Variants in PPP2R2C observed in about 807,000 individuals in gnomAD.
PPP2R2C encodes the protein protein phosphatase 2, regulatory subunit B, gamma.
PPP2R2C carries 10 observed loss-of-function variants against 45.3 expected under a neutral mutation model. That is an observed-to-expected ratio of 0.22 (90% CI 0.14 to 0.37). PPP2R2C has a LOEUF of 0.37. Among genes scored for constraint, PPP2R2C ranks in the 10% least tolerant of loss-of-function variants. PPP2R2C has a pLI of 1.00. For synonymous variants in PPP2R2C, 257 were observed against 245.4 expected, an observed-to-expected ratio of 1.05 and a Z score of -0.44; for missense variants, 308 against 619.7, an observed-to-expected ratio of 0.50 and a Z score of 5.34.
chr4:6,522,282 G>A (rs377141869), intron 2 of PPP2R2C, among the ~76,000 whole-genome samples: 8 of 152,228 alleles, frequency 5.3e-5, no homozygotes, highest in Admixed American at 4.6e-4. Flanking sequence ...TACCCAGGAA[G>A]GCTGATGTCA....
At chr4:6,538,984 G>T (rs954753401) in intron 1 of PPP2R2C, among the ~76,000 whole-genome samples, 1 of 152,188 alleles carries the variant, frequency 6.6e-6, no homozygotes, top group South Asian at 2.1e-4. Context: ...ACCAGGAAGG[G>T]CTAGATTGCT....
intron 1 of PPP2R2C, among the ~76,000 whole-genome samples, chr4:6,404,986 G>A (rs1443908932): frequency 2.0e-5 from 3 of 152,176 alleles, no homozygotes; most frequent in South Asian, 2.1e-4. Flanking sequence ...AACCATGGAC[G>A]TGACCTCCTT....
At chr4:6,502,519 C>A (rs1416292265) in intron 2 of PPP2R2C, among the ~76,000 whole-genome samples, 2 of 151,994 alleles carry the variant, frequency 1.3e-5, no homozygotes, top group Non-Finnish European at 2.9e-5. Context: ...CCCTCTCTCC[C>A]TCCCTCCTTC....
At chr4:6,435,050 T>A (rs1719826871) in intron 1 of PPP2R2C, among the ~76,000 whole-genome samples, 1 of 152,214 alleles carries the variant, frequency 6.6e-6, no homozygotes, top group African/African-American at 2.4e-5. Flanking sequence ...ATTCAAATCT[T>A]ATTTTTAGAA....
chr4:6,387,844 A>G (rs79936790), intron 1 of PPP2R2C, among the ~76,000 whole-genome samples: 2,943 of 152,008 alleles, frequency 0.019, 112 homozygotes, highest in African/African-American at 0.067. Context: ...ATAAAAAGAC[A>G]TTTCAGCTGA....
intron 1 of PPP2R2C, among the ~76,000 whole-genome samples, chr4:6,542,590 A>G (rs1037121249): frequency 3.3e-5 from 5 of 151,628 alleles, no homozygotes; most frequent in Admixed American, 2.0e-4. Context: ...GTAATCCCAG[A>G]TACTAGGGAG....
chr4:6,337,517 C>T (rs1733072738), intron 6 of PPP2R2C, among the ~76,000 whole-genome samples: 1 of 152,100 alleles, frequency 6.6e-6, no homozygotes, highest in Non-Finnish European at 1.5e-5. Flanking sequence ...AGGGCGGCCT[C>T]TCACAGGCTG....
chr4:6,419,023 C>G (rs369559159), intron 1 of PPP2R2C, among the ~76,000 whole-genome samples: 2 of 152,208 alleles, frequency 1.3e-5, no homozygotes, highest in Non-Finnish European at 2.9e-5. Flanking sequence ...CACTCAGCTT[C>G]GCATGCGGTG....
chr4:6,472,354 C>T lies in PPP2R2C; in HGVS notation c.-125G>A. ...GCAGGGGCGCGGGCCGCCGGGGCCC[C>T]GAAGGGAGGGCATCGCGGCAGGGGG... is the stretch of plus-strand genomic sequence containing the variant. On this transcript the variant is annotated 5_prime_UTR_variant, in exon 1 of 9. Transcript: ENST00000382599. 5 of 1,218,678 alleles carry T rather than the reference C, an allele frequency of 4.1e-6. No homozygotes were observed. The highest frequency in any genetic ancestry group is 5.1e-6 in the Non-Finnish European group (5 of 976,708). The allele number at this position is 1,218,678 out of a possible 1,614,324, so 75.5% of individuals were successfully genotyped here.
chr4:6,425,739 G>T (rs568178636), intron 1 of PPP2R2C, among the ~76,000 whole-genome samples: 6 of 152,178 alleles, frequency 3.9e-5, no homozygotes, highest in Non-Finnish European at 8.8e-5. Flanking sequence ...ATCCTCCCGG[G>T]TGCTAGAAGA....
At chr4:6,508,984 C>T (rs1008157406) in intron 2 of PPP2R2C, among the ~76,000 whole-genome samples, 6 of 152,226 alleles carry the variant, frequency 3.9e-5, no homozygotes, top group Admixed American at 3.3e-4. Flanking sequence ...ACTTTCACTC[C>T]AGCTCTAAAA....
At chr4:6,459,343 C>T (rs1363528277) in intron 1 of PPP2R2C, among the ~76,000 whole-genome samples, 1 of 152,152 alleles carries the variant, frequency 6.6e-6, no homozygotes, top group Non-Finnish European at 1.5e-5. Flanking sequence ...GGCTCCAAGG[C>T]AGAAGCACAT....
chr4:6,511,847 T>C (rs1577230209), intron 2 of PPP2R2C, among the ~76,000 whole-genome samples: 1 of 105,754 alleles, frequency 9.5e-6, no homozygotes, highest in Non-Finnish European at 2.1e-5. Flanking sequence ...ATGGTGGTGG[T>C]GGTGGTGGTG....
rs949990055 is a variant in PPP2R2C at position 6,364,386 on chromosome 4, C to A, written c.625+8137G>T. Reference sequence around the variant, plus strand: ...GGCCAGGGAGGGGCCAGGGCCAGCTCCTGCAGGGCCTTGGAGGCCAGAGAA... The same window carrying A: ...GGCCAGGGAGGGGCCAGGGCCAGCTACTGCAGGGCCTTGGAGGCCAGAGAA... On this transcript the variant is annotated intron_variant, in intron 5 of 8. Coordinates refer to ENST00000382599, the MANE Select transcript of PPP2R2C (RefSeq NM_020416.4). This position sits in a 1 kb window ranked among gnomAD's most constrained non-coding sequence, Gnocchi z 5.3. 6.6e-6 allele frequency among the ~76,000 whole-genome samples: 1 copy of A among 152,156 alleles called. No individual in the cohort carries two copies. The highest frequency in any genetic ancestry group is 1.5e-5 in the Non-Finnish European group (1 of 68,028).
chr4:6,451,965 C>A (rs1481718893), intron 1 of PPP2R2C, among the ~76,000 whole-genome samples: 1 of 152,184 alleles, frequency 6.6e-6, no homozygotes, highest in Admixed American at 6.5e-5. Context: ...GATGCCCTCA[C>A]CTGCTCCACC....
chr4:6,378,695 C>G lies in PPP2R2C; in HGVS notation c.169-123G>C. On this transcript the variant is annotated intron_variant, in intron 2 of 8. Coordinates refer to ENST00000382599, the MANE Select transcript of PPP2R2C (RefSeq NM_020416.4). This position sits in a 1 kb window ranked among gnomAD's most constrained non-coding sequence, Gnocchi z 5.2. ...GCCGAGCCGTGCCAGGGATCCAATT[C>G]GAGGGTCAAATGAAACTCTCTGCAG... 9.4e-7 allele frequency: 1 copy of G among 1,058,350 alleles called. No homozygotes were observed. The highest frequency in any genetic ancestry group is 1.4e-6 in the Non-Finnish European group (1 of 727,946). The allele number at this position is 1,058,350 out of a possible 1,614,324, so 65.6% of individuals were successfully genotyped here. A position where few individuals can be genotyped will look rare whatever the true frequency, so the allele number is the denominator to read the frequency against.
intron 5 of PPP2R2C, among the ~76,000 whole-genome samples, chr4:6,351,950 G>A (rs1186526068): frequency 1.3e-5 from 2 of 152,172 alleles, no homozygotes; most frequent in Non-Finnish European, 2.9e-5. Flanking sequence ...TACCAAGTGG[G>A]GTGGCCCCTG....
At chr4:6,383,795 T>A (rs1211402719) in intron 1 of PPP2R2C, 58 of 1,024,224 alleles carry the variant, frequency 5.7e-5, no homozygotes, top group Non-Finnish European at 6.3e-5. Flanking sequence ...CGGCTTCAAA[T>A]GGTGCCTGTA....
intron 1 of PPP2R2C, chr4:6,414,077 TGTGTGTG>T: frequency 3.9e-5 from 6 of 154,526 alleles, no homozygotes; most frequent in Non-Finnish European, 5.1e-5. Flanking sequence ...TGCCTGTGTA[TGTGTGTG>T]TGTGTGTGTG....
Sources: gnomAD v4.1 joint callset for allele counts (sites outside exome capture counted in the v4.1 genomes callset) on GRCh38, gnomAD v4.1.1 for gene constraint, Gnocchi (gnomAD v3.1) non-coding constraint, MANE v1.5 for transcripts, NCBI Gene and HGNC (gene_info 2026-07-23, HGNC 2026-07-21) for gene names.